The following FRMPD4 variants were observed in gnomAD, a reference collection of about 807,000 sequenced individuals.
FRMPD4 encodes FERM and PDZ domain containing 4.
Under a neutral mutation model 94.1 loss-of-function variants are expected in FRMPD4, and 22 were observed. That is an observed-to-expected ratio of 0.23 (90% CI 0.17 to 0.33). FRMPD4 has a LOEUF of 0.33. Ranked by LOEUF, FRMPD4 falls within the 10% of genes least tolerant of loss-of-function variation. The probability of loss-of-function intolerance (pLI) is 1.00; values close to 1 mark genes in which losing one functional copy is unlikely to be tolerated. For synonymous variants in FRMPD4, 631 were observed against 548.6 expected (o/e 1.15, Z -2.10); for missense variants, 1,111 against 1,339.9 (o/e 0.83, Z 2.67).
intron 1 of FRMPD4, among the ~76,000 whole-genome samples, chrX:12,349,424 C>A (rs1186675279): frequency 9.1e-6 from 1 of 109,929 alleles, no homozygotes; most frequent in African/African-American, 3.3e-5. Context: ...CCTCTGGAGT[C>A]CTCCATAGGA....
intron 1 of FRMPD4, among the ~76,000 whole-genome samples, chrX:12,174,341 A>G (rs750437048): frequency 1.8e-5 from 2 of 112,247 alleles, no homozygotes; most frequent in African/African-American, 6.5e-5. Flanking sequence ...AATGGTATCA[A>G]AACAGGTGAT....
At chrX:11,989,496 G>T (rs2054451924) in intron 3 of FRMPD4, among the ~76,000 whole-genome samples, 1 of 109,165 alleles carries the variant, frequency 9.2e-6, no homozygotes, top group African/African-American at 3.3e-5. Flanking sequence ...AGGGTAGTGG[G>T]GGGAAGTGGG....
intron 2 of FRMPD4, among the ~76,000 whole-genome samples, chrX:12,553,529 C>T (rs191824435): frequency 1.1e-3 from 113 of 101,256 alleles, no homozygotes; most frequent in African/African-American, 3.9e-3. Flanking sequence ...CCTCTGGCCC[C>T]CTCCCTTTAA....
intron 1 of FRMPD4, among the ~76,000 whole-genome samples, chrX:12,191,260 A>G (rs768763805): frequency 8.9e-6 from 1 of 112,114 alleles, no homozygotes; most frequent in South Asian, 3.7e-4. Context: ...ATTGATGAGG[A>G]TGTGGAGCAA....
chrX:12,225,344 G>A (rs2056910938), intron 1 of FRMPD4, among the ~76,000 whole-genome samples: 1 of 111,939 alleles, frequency 8.9e-6, no homozygotes, highest in African/African-American at 3.2e-5. Context: ...GAAACAGAAG[G>A]AGAGATTATA....
At chrX:11,893,916 ATGT>A (rs1284413842) in intron 3 of FRMPD4, among the ~76,000 whole-genome samples, 2 of 112,034 alleles carry the variant, frequency 1.8e-5, no homozygotes, top group South Asian at 3.8e-4. Context: ...ACTAATCTAT[ATGT>A]TGTTGTGAAG....
intron 3 of FRMPD4, among the ~76,000 whole-genome samples, chrX:11,882,866 GGAGGGAT>G (rs2053821620): frequency 9.0e-6 from 1 of 111,451 alleles, no homozygotes; most frequent in African/African-American, 3.3e-5. Context: ...AGAGGAGACT[GGAGGGAT>G]GAGGTAATGG....
At chrX:11,831,519 A>C (rs185789920) in intron 1 of FRMPD4, among the ~76,000 whole-genome samples, 1 of 112,191 alleles carries the variant, frequency 8.9e-6, no homozygotes, top group East Asian at 2.8e-4. Context: ...TCTGTGACCT[A>C]GTTAAGCAAA....
intron 1 of FRMPD4, among the ~76,000 whole-genome samples, chrX:12,496,694 C>G (rs1353002264): frequency 3.6e-5 from 4 of 111,364 alleles, no homozygotes; most frequent in Admixed American, 1.9e-4. Context: ...CATACTAAGG[C>G]CTTTCAGATC....
intron 3 of FRMPD4, among the ~76,000 whole-genome samples, chrX:12,119,365 T>G (rs1031343717): frequency 1.8e-5 from 2 of 112,230 alleles, no homozygotes; most frequent in Non-Finnish European, 3.8e-5. Flanking sequence ...GAATAGAAAT[T>G]GTTAACTTAA....
chrX:12,328,128 A>G (rs2055316431), intron 1 of FRMPD4, among the ~76,000 whole-genome samples: 2 of 112,006 alleles, frequency 1.8e-5, no homozygotes, highest in Non-Finnish European at 3.8e-5. Context: ...TTCCTCACAA[A>G]GAACAGTCAT....
intron 2 of FRMPD4, among the ~76,000 whole-genome samples, chrX:12,515,767 G>A (rs1004016606): frequency 6.3e-5 from 7 of 111,770 alleles, no homozygotes; most frequent in African/African-American, 2.3e-4. Context: ...TCGATGATCT[G>A]TCTAATATTG....
chrX:12,473,271 T>C (rs943288822), intron 1 of FRMPD4, among the ~76,000 whole-genome samples: 1 of 109,674 alleles, frequency 9.1e-6, no homozygotes, highest in Admixed American at 9.6e-5. Context: ...GCTGATTTTG[T>C]CACCACCAGC....
intron 3 of FRMPD4, among the ~76,000 whole-genome samples, chrX:12,063,197 C>T (rs1301353857): frequency 1.8e-5 from 2 of 111,076 alleles, no homozygotes. Flanking sequence ...TAGGCAGACC[C>T]CAGTCTCTAC....
intron 4 of FRMPD4, among the ~76,000 whole-genome samples, chrX:12,645,957 C>T (rs759915243): frequency 1.5e-4 from 17 of 111,330 alleles, no homozygotes; most frequent in Non-Finnish European, 2.6e-4. Flanking sequence ...ACGGAAATCA[C>T]GATCTCCACC....
intron 9 of FRMPD4, among the ~76,000 whole-genome samples, chrX:12,696,586 C>CAAAAAAAAAAAAAAAAAAAAAAAA (rs57877846): frequency 3.3e-5 from 1 of 30,061 alleles, no homozygotes. Context: ...AAAAATGAAG[C>CAAAAAAAAAAAAAAAAAAAAAAAA]AAAAAAAAAA....
rs750615873 is a variant in FRMPD4, at chrX:12,716,641, G to C, written c.2182G>C (p.Ala728Pro). 14 of 1,207,979 alleles carry C rather than the reference G, an allele frequency of 1.2e-5. No homozygotes were observed. The highest frequency in any genetic ancestry group is 4.4e-5 in the Admixed American group (2 of 45,777). The change falls in exon 15 of 17, where the codon GCG becomes CCG. Residue 728 changes from alanine to proline, a missense_variant. This residue lies in a region of FRMPD4 where 192 missense variants were observed against 192.5 expected (regional missense o/e 1.00). Transcript: ENST00000675598. The stretch of plus-strand genomic sequence containing the variant: ...AGGCGATGTGAAGAGCTTCCAGGCC[G>C]CGGAGGGGATCGAGGAACCCCTCTT... ...NIGDVKSFQA[A>P]EGIEEPLLHD...
chrX:12,288,731 A>G (rs1277333392), intron 1 of FRMPD4, among the ~76,000 whole-genome samples: 1 of 112,301 alleles, frequency 8.9e-6, no homozygotes, highest in African/African-American at 3.2e-5. Flanking sequence ...ATACAATCCT[A>G]GGTAAAATAC....
intron 3 of FRMPD4, among the ~76,000 whole-genome samples, chrX:11,914,291 C>CT (rs57258573): frequency 0.12 from 10,429 of 89,135 alleles, 524 homozygotes; most frequent in Middle Eastern, 0.16. Context: ...ACTTTTTTTT[C>CT]TTTTTTTTTT....
Sources: allele counts gnomAD v4.1 joint callset (sites outside exome capture counted in the v4.1 genomes callset), GRCh38; gene constraint gnomAD v4.1.1; regional missense constraint gnomAD v4.1.1; transcripts MANE v1.5; gene names NCBI Gene and HGNC (gene_info 2026-07-23, HGNC 2026-07-21).